TFDP1: variants seen among roughly 807,000 people sequenced by gnomAD.
The protein encoded by TFDP1 is DRTF1-polypeptide 1.
In TFDP1, 6 loss-of-function variants were observed where a neutral mutation model predicts 48.0. That is an observed-to-expected ratio of 0.13 (90% confidence interval 0.07 to 0.25). TFDP1 has a LOEUF of 0.25. TFDP1 is among the 10% of genes least tolerant of loss of function. TFDP1 has a pLI of 1.00. For missense variants in TFDP1, 335 were observed against 543.0 expected (o/e 0.62, Z 3.81); for synonymous variants, 201 against 211.6 (o/e 0.95, Z 0.44).
At chr13:113,632,164 C>A (rs1027262156) in intron 5 of TFDP1, among the ~76,000 whole-genome samples, 1 of 152,252 alleles carries the variant, frequency 6.6e-6, no homozygotes, top group Non-Finnish European at 1.5e-5. Flanking sequence ...CGCGGGTGGT[C>A]CCGCCAGAGC....
chr13:113,639,054 C>T (rs1222209244), intron 11 of TFDP1, among the ~76,000 whole-genome samples: 1 of 152,198 alleles, frequency 6.6e-6, no homozygotes, highest in Non-Finnish European at 1.5e-5. Context: ...GCCTCCTCAC[C>T]TGTAAGGTGA....
Position 113,625,933 on chromosome 13 carries a change from TGTTTCTCAGGC to T in TFDP1, c.186+2650_186+2660del, listed in dbSNP as rs1431560052. ...CAGGTGTCTCTCACGTGTCCTCAGG[TGTTTCTCAGGC>T]GTCTCTCACGTGTCCTCAGGCGTCT... On this transcript the variant is annotated intron_variant, in intron 4 of 11. Coordinates refer to ENST00000375370, the MANE Select transcript of TFDP1 (RefSeq NM_007111.5). Among the ~76,000 whole-genome samples, 16 of 130,646 alleles carry T rather than the reference TGTTTCTCAGGC, an allele frequency of 1.2e-4. No homozygotes were observed. The East Asian group carries it at 2.4e-3, about 19-fold the overall frequency. 85.7% of individuals were successfully genotyped at this position (130,646 alleles called of 152,430 possible). A position where few individuals can be genotyped will look rare whatever the true frequency, so the allele number is the denominator to read the frequency against.
intron 2 of TFDP1, chr13:113,586,285 C>T (rs959815310): frequency 3.4e-4 from 54 of 156,888 alleles, no homozygotes; most frequent in Admixed American, 2.3e-3. Context: ...ACCTGTCTTC[C>T]TACAGAGGAA....
chr13:113,637,850 A>T lies in TFDP1; in HGVS notation c.1039A>T (p.Ile347Phe). 1 of 1,614,214 alleles carries T rather than the reference A, an allele frequency of 6.2e-7. No individual in the cohort carries two copies. Among genetic ancestry groups the T allele is most frequent in the Non-Finnish European group, 8.5e-7 (1 of 1,180,040 alleles). ...TCAGGGAACTGTTGGAGGCGTGTTC[A>T]TCACGACGGCAGGTTCCACGTCTAA... ...MAQGTVGGVF[I>F]TTAGSTSNGT... The change falls in exon 11 of 12, where the codon ATC (isoleucine) becomes TTC (phenylalanine). Residue 347 changes from isoleucine (I) to phenylalanine (F), a missense_variant. Transcript: ENST00000375370.
chr13:113,606,351 G>A (rs988538478), intron 2 of TFDP1, among the ~76,000 whole-genome samples: 1 of 152,166 alleles, frequency 6.6e-6, no homozygotes, highest in South Asian at 2.1e-4. Flanking sequence ...TCACAGCTCG[G>A]GAGCCTGGGA....
At chr13:113,595,801 G>A (rs890084040) in intron 2 of TFDP1, among the ~76,000 whole-genome samples, 3 of 152,218 alleles carry the variant, frequency 2.0e-5, no homozygotes, top group Admixed American at 6.5e-5. Flanking sequence ...TATTAATGGC[G>A]GCCGGGTGCG....
chr13:113,617,916 C>G (rs2048903240), intron 3 of TFDP1, among the ~76,000 whole-genome samples: 1 of 152,140 alleles, frequency 6.6e-6, no homozygotes, highest in Admixed American at 6.5e-5. Context: ...ATTTAGACTC[C>G]TTTTTCTGTT....
chr13:113,585,501 C>T (rs1351793280), intron 1 of TFDP1: 2 of 224,578 alleles, frequency 8.9e-6, no homozygotes, highest in East Asian at 9.7e-5. Flanking sequence ...TCGGCCCCAC[C>T]CTCGGCCGCT....
intron 3 of TFDP1, among the ~76,000 whole-genome samples, chr13:113,611,448 G>A (rs2048706202): frequency 6.6e-6 from 1 of 152,246 alleles, no homozygotes; most frequent in African/African-American, 2.4e-5. Flanking sequence ...GGCCTACCAT[G>A]GTGCATGCCT....
chr13:113,613,459 C>G (rs2048758799), intron 3 of TFDP1, among the ~76,000 whole-genome samples: 1 of 152,202 alleles, frequency 6.6e-6, no homozygotes, highest in Admixed American at 6.5e-5. Context: ...GTGTTCGTTC[C>G]AGAGAATTCT....
At chr13:113,635,900 G>A in intron 8 of TFDP1, 77 bp from the exon 9 acceptor site, 2 of 1,512,214 alleles carry the variant, frequency 1.3e-6, no homozygotes, top group Non-Finnish European at 1.8e-6. Flanking sequence ...CGCAGGGAGG[G>A]CTGTGAGGAC....
intron 2 of TFDP1, among the ~76,000 whole-genome samples, chr13:113,596,769 C>T (rs111729984): frequency 3.9e-5 from 6 of 152,314 alleles, no homozygotes; most frequent in African/African-American, 7.2e-5. Context: ...TGGTCAGCAT[C>T]GAGGTTGATC....
chr13:113,609,543 C>T (rs2048655117), intron 2 of TFDP1, among the ~76,000 whole-genome samples: 1 of 152,020 alleles, frequency 6.6e-6, no homozygotes, highest in African/African-American at 2.4e-5. Flanking sequence ...GTGAAGATGC[C>T]CAGGAAATTG....
intron 2 of TFDP1, among the ~76,000 whole-genome samples, chr13:113,605,939 A>G (rs2048555632): frequency 7.0e-6 from 1 of 143,522 alleles, no homozygotes; most frequent in Non-Finnish European, 1.5e-5. Context: ...TCCTGTGGGA[A>G]GGCGGCGCGG....
At chr13:113,613,025 T>TC (rs1458492847) in intron 3 of TFDP1, among the ~76,000 whole-genome samples, 1 of 94,712 alleles carries the variant, frequency 1.1e-5, no homozygotes, top group Admixed American at 1.2e-4. Context: ...TTTTTGTTGT[T>TC]GTTGTTTTGG....
At chr13:113,624,110 C>T (rs1355135232) in intron 4 of TFDP1, among the ~76,000 whole-genome samples, 3 of 152,120 alleles carry the variant, frequency 2.0e-5, no homozygotes, top group Non-Finnish European at 4.4e-5. Context: ...TGCTGTGGCC[C>T]CGCCTGGGCA....
At chr13:113,625,288 T>A (rs2049115272) in intron 4 of TFDP1, among the ~76,000 whole-genome samples, 1 of 130,102 alleles carries the variant, frequency 7.7e-6, no homozygotes, top group African/African-American at 3.4e-5. Flanking sequence ...CTCTCACGTG[T>A]CCTCAGGTGT....
At chr13:113,602,981 A>C (rs2048476600) in intron 2 of TFDP1, among the ~76,000 whole-genome samples, 1 of 136,166 alleles carries the variant, frequency 7.3e-6, no homozygotes, top group Non-Finnish European at 1.5e-5. Context: ...AAAAAAAAAA[A>C]AAAAACGTAT....
At chr13:113,585,519 C>A (rs2047979875) in intron 1 of TFDP1, 1 of 239,272 alleles carries the variant, frequency 4.2e-6, no homozygotes. Context: ...GCTGGGCGGG[C>A]CGTCGGGGAC....
Sources: allele counts gnomAD v4.1 joint callset (sites outside exome capture counted in the v4.1 genomes callset), GRCh38; gene constraint gnomAD v4.1.1; transcripts MANE v1.5; gene names NCBI Gene and HGNC (gene_info 2026-07-23, HGNC 2026-07-21).